Variants in BRD7 observed in about 807,000 individuals in gnomAD.
BRD7 encodes the protein bromodomain containing 7, also known as bromodomain-containing protein 7.
Under a neutral mutation model 82.1 loss-of-function variants are expected in BRD7, and 15 were observed. The observed-to-expected ratio is 0.18, with a 90% CI of 0.12 to 0.28. The LOEUF (loss-of-function observed/expected upper bound fraction) is 0.28, where lower values mean the gene tolerates loss of function less well. BRD7 is among the 10% of genes least tolerant of loss of function. BRD7 has a pLI of 1.00. For missense variants in BRD7, 638 were observed against 779.9 expected, an observed-to-expected ratio of 0.82 and a Z score of 2.17; for synonymous variants, 232 against 266.9, an observed-to-expected ratio of 0.87 and a Z score of 1.27.
intron 6 of BRD7, among the ~76,000 whole-genome samples, chr16:50,338,862 T>C (rs1409830777): frequency 3.3e-5 from 5 of 152,190 alleles, no homozygotes; most frequent in African/African-American, 1.2e-4. Flanking sequence ...CATGGTATGG[T>C]ATGGTGCCAG....
intron 9 of BRD7, among the ~76,000 whole-genome samples, chr16:50,326,982 G>T (rs1236189382): frequency 6.6e-6 from 1 of 152,166 alleles, no homozygotes; most frequent in Non-Finnish European, 1.5e-5. Flanking sequence ...TCTAACAGAG[G>T]GACATCTGCT....
At position 50,320,760 on chromosome 16, in the gene BRD7, C is replaced by G; in HGVS notation, c.1515G>C (p.Glu505Asp). The G allele has an allele frequency of 1.2e-6, 2 of 1,613,628 alleles. No homozygotes were observed. Among genetic ancestry groups the G allele is most frequent in the Admixed American group, 1.7e-5 (1 of 60,016 alleles). Residue 505 changes from glutamate to aspartate, a missense_variant, in exon 14 of 17, where the codon GAG becomes GAC. Physicochemically the swap from Glu to Asp is conservative, Grantham distance 45. Coordinates refer to ENST00000394688, the MANE Select transcript of BRD7 (RefSeq NM_013263.5). ...TACTGGAGTCCAAACGCCCTGGTGGCTCTACTTCTGTAATCTGCTTCAAAA... is the reference window on the plus strand; with the variant it reads ...TACTGGAGTCCAAACGCCCTGGTGGGTCTACTTCTGTAATCTGCTTCAAAA... ...TAKEMEITEV[E>D]PPGRLDSSTQ... is the part of the protein sequence containing the mutation.
rs1555527963 is a variant in BRD7, at chr16:50,318,402, T to TATCTATC, written c.*802_*808dup. 4 of 149,454 alleles carry TATCTATC rather than the reference T, an allele frequency of 2.7e-5. No homozygotes were observed. Among genetic ancestry groups the TATCTATC allele is most frequent in the African/African-American group, 1.0e-4 (4 of 38,954 alleles). 9.3% of individuals were successfully genotyped at this position (149,454 alleles called of 1,614,324 possible). A position where few individuals can be genotyped will look rare whatever the true frequency, so the allele number is the denominator to read the frequency against. On this transcript the variant is annotated 3_prime_UTR_variant, in exon 17 of 17. Transcript: ENST00000394688. Reference sequence around the variant, plus strand: ...ACTTAATTTGTTCACTGAACAAGGCTATCTATCTATCTATCTCCATCCTGA... The same window carrying TATCTATC: ...ACTTAATTTGTTCACTGAACAAGGCTATCTATCATCTATCTATCTATCTCCATCCTGA...
intron 12 of BRD7, 53 bp downstream of exon 12, chr16:50,323,534 A>G: frequency 7.6e-7 from 1 of 1,307,468 alleles, no homozygotes; most frequent in South Asian, 1.2e-5. Context: ...CTGAATGACT[A>G]ATGCTTGAGA....
chr16:50,316,258 TG>T lies in BRD7; in HGVS notation c.*2952del, dbSNP rs2036794446. ...ATCAGCTTATGGGGTCAGCTGGCTG[TG>T]GGGATAGAGTCCTGAGGAATGTGGT... is the stretch of plus-strand genomic sequence containing the variant. On this transcript the variant is annotated 3_prime_UTR_variant, in exon 17 of 17. Transcript: ENST00000394688. 6.6e-6 allele frequency: 1 copy of T among 152,384 alleles called. No homozygotes were observed. The highest frequency in any genetic ancestry group is 1.5e-5 in the Non-Finnish European group (1 of 68,072). 9.4% of individuals were successfully genotyped at this position (152,384 alleles called of 1,614,324 possible). A position where few individuals can be genotyped will look rare whatever the true frequency, so the allele number is the denominator to read the frequency against.
intron 8 of BRD7, 116 bp downstream of exon 8, chr16:50,333,458 C>A: frequency 1.5e-6 from 2 of 1,326,650 alleles, no homozygotes; most frequent in Non-Finnish European, 2.1e-6. Context: ...AAGTATTATA[C>A]TGATGAAGAG....
chr16:50,349,383 CTTAAA>C (rs2038423758), intron 5 of BRD7: 1 of 340,636 alleles, frequency 2.9e-6, no homozygotes, highest in Admixed American at 4.2e-5. Flanking sequence ...TACCCTAGAA[CTTAAA>C]TTAAAAAAAA....
intron 11 of BRD7, among the ~76,000 whole-genome samples, chr16:50,325,106 A>G (rs534452596): frequency 6.6e-6 from 1 of 152,366 alleles, no homozygotes; most frequent in East Asian, 1.9e-4. Flanking sequence ...AATAATATCC[A>G]GTAAACTACT....
chr16:50,357,716 C>T (rs902280054), intron 2 of BRD7, among the ~76,000 whole-genome samples: 6 of 152,166 alleles, frequency 3.9e-5, no homozygotes, highest in African/African-American at 1.4e-4. Context: ...TGCAGTGGCT[C>T]GTGCCTGTAA....
rs1315468722 is a variant in BRD7, at chr16:50,318,281, C to T, written c.*930G>A. 1 of 151,664 alleles carries T rather than the reference C, an allele frequency of 6.6e-6. No homozygotes were observed. The highest frequency in any genetic ancestry group is 2.4e-5 in the African/African-American group (1 of 41,388). The allele number at this position is 151,664 out of a possible 1,614,324, so 9.4% of individuals were successfully genotyped here. ...TTTTCCTTTACCCTATTTGTTCTTC[C>T]TAAATACTAATTAATTTTCAAAGTC... is the stretch of plus-strand genomic sequence containing the variant. On this transcript the variant is annotated 3_prime_UTR_variant, in exon 17 of 17. Transcript: ENST00000394688.
At position 50,322,155 on chromosome 16, in the gene BRD7, T is replaced by C. The variant is rs577255871; in HGVS notation, c.1444-117A>G. On this transcript the variant is annotated intron_variant, in intron 12 of 16. Coordinates refer to ENST00000394688, the MANE Select transcript of BRD7 (RefSeq NM_013263.5). ...GAAAATGAATACAAATATGGACTAC[T>C]GGAATATAATTTTTCAGGCCAAAAT... The C allele has an allele frequency of 2.9e-4, 221 of 757,738 alleles. 1 individual carries two copies. Among genetic ancestry groups the C allele is most frequent in the South Asian group, 1.9e-3 (103 of 54,728 alleles). 46.9% of individuals were successfully genotyped at this position (757,738 alleles called of 1,614,324 possible).
chr16:50,326,237 TC>T, intron 10 of BRD7, 46 bp downstream of exon 10: 6 of 1,499,664 alleles, frequency 4.0e-6, no homozygotes, highest in Middle Eastern at 2.3e-4. Flanking sequence ...TTCCCTAATA[TC>T]CCAAAACAGA....
intron 2 of BRD7, among the ~76,000 whole-genome samples, chr16:50,357,406 T>C (rs555625674): frequency 2.0e-5 from 3 of 152,346 alleles, no homozygotes; most frequent in East Asian, 3.9e-4. Flanking sequence ...TTGGTTAATG[T>C]ATTTTTACCA....
chr16:50,349,948 T>C, intron 5 of BRD7, 75 bp downstream of exon 5: 3 of 1,290,756 alleles, frequency 2.3e-6, no homozygotes, highest in Non-Finnish European at 3.1e-6. Flanking sequence ...AAATAAAAGG[T>C]CAATGAGAAA....
At chr16:50,364,626 C>A (rs2039067512) in intron 2 of BRD7, among the ~76,000 whole-genome samples, 1 of 152,134 alleles carries the variant, frequency 6.6e-6, no homozygotes, top group South Asian at 2.1e-4. Context: ...ATCTTTAGAG[C>A]CACAGTCAAG....
At position 50,368,104 on chromosome 16, in the gene BRD7, G is replaced by A; in HGVS notation, c.244C>T (p.Arg82Trp). 1 of 1,613,928 alleles carries A rather than the reference G, an allele frequency of 6.2e-7. No homozygotes were observed. The highest frequency in any genetic ancestry group is 8.5e-7 in the Non-Finnish European group (1 of 1,179,856). The change falls in exon 2 of 17, where the codon CGG (arginine) becomes TGG (tryptophan). Residue 82 changes from arginine (R) to tryptophan (W), a missense_variant. Physicochemically the swap from Arg to Trp is moderately radical, Grantham distance 101 (BLOSUM62 -3). Around this residue, in one of 3 missense-constraint regions of BRD7, gnomAD observed 172 missense variants for 155.3 expected, o/e 1.11. Coordinates refer to ENST00000394688, the MANE Select transcript of BRD7 (RefSeq NM_013263.5). ...QIPGEEKGRK[R>W]RRVKEDKKKR... ...ACCACTTGTACCTTAACTCTTCTCC[G>A]TTTTCTCCCCTTTTCTTCCCCTGGA...
intron 4 of BRD7, among the ~76,000 whole-genome samples, chr16:50,353,313 C>A (rs925217601): frequency 6.6e-6 from 1 of 152,136 alleles, no homozygotes; most frequent in Non-Finnish European, 1.5e-5. Context: ...GATCCTCCCA[C>A]CTCAGCCTCC....
chr16:50,322,183 CTAAATA>C, intron 12 of BRD7, 145 bp from the exon 13 acceptor site: 2 of 634,694 alleles, frequency 3.2e-6, no homozygotes, highest in Non-Finnish European at 5.4e-6. Context: ...GCCAAAATGA[CTAAATA>C]TAATTATTAG....
At chr16:50,344,841 C>A (rs1468738845) in intron 5 of BRD7, among the ~76,000 whole-genome samples, 4 of 152,214 alleles carry the variant, frequency 2.6e-5, no homozygotes, top group Non-Finnish European at 5.9e-5. Flanking sequence ...GGAAAACACT[C>A]TTCAGGATAT....
Sources: gnomAD v4.1 joint callset for allele counts (sites outside exome capture counted in the v4.1 genomes callset) on GRCh38, gnomAD v4.1.1 for gene constraint, gnomAD v4.1.1 regional missense constraint, MANE v1.5 for transcripts, NCBI Gene and HGNC (gene_info 2026-07-23, HGNC 2026-07-21) for gene names.